Variants in BBS9 observed in about 807,000 individuals in gnomAD.
The protein encoded by BBS9 is protein PTHB1.
In BBS9, 89 loss-of-function variants were observed where a neutral mutation model predicts 117.7. That is an observed-to-expected ratio of 0.76 (90% CI 0.64 to 0.90). The LOEUF is 0.90. Ranked by LOEUF, BBS9 falls within the 40% of genes least tolerant of loss-of-function variation. The pLI is 0.00. For missense variants in BBS9, 982 were observed against 1,042.2 expected (o/e 0.94, Z 0.80); for synonymous variants, 379 against 370.9 (o/e 1.02, Z -0.25).
At chr7:33,216,180 A>G (rs1789024764) in intron 5 of BBS9, among the ~76,000 whole-genome samples, 2 of 152,196 alleles carry the variant, frequency 1.3e-5, no homozygotes, top group Admixed American at 1.3e-4. Flanking sequence ...ATACAATGTC[A>G]TAATGTACAT....
At chr7:33,479,428 CA>C (rs1363652248) in intron 19 of BBS9, among the ~76,000 whole-genome samples, 3 of 152,076 alleles carry the variant, frequency 2.0e-5, no homozygotes, top group Admixed American at 6.6e-5. Context: ...ATGTTGCTGC[CA>C]AGGACATTAT....
chr7:33,565,780 A>AGTAT (rs1554539504), intron 21 of BBS9, among the ~76,000 whole-genome samples: 14 of 52,878 alleles, frequency 2.6e-4, no homozygotes, highest in Non-Finnish European at 3.0e-4. Context: ...GGCTATCAGT[A>AGTAT]GTATATATAT....
At chr7:33,226,254 T>C (rs1197136689) in intron 5 of BBS9, among the ~76,000 whole-genome samples, 1 of 152,180 alleles carries the variant, frequency 6.6e-6, no homozygotes, top group East Asian at 1.9e-4. Flanking sequence ...GAGAATTTTG[T>C]CTATTAACAT....
chr7:33,142,671 CAT>C (rs997909541), intron 1 of BBS9, among the ~76,000 whole-genome samples: 1 of 152,186 alleles, frequency 6.6e-6, no homozygotes, highest in Non-Finnish European at 1.5e-5. Flanking sequence ...TAAGTGGAAT[CAT>C]ATGGTATTTG....
At chr7:33,302,093 T>C (rs1301808872) in intron 9 of BBS9, among the ~76,000 whole-genome samples, 1 of 152,178 alleles carries the variant, frequency 6.6e-6, no homozygotes, top group Non-Finnish European at 1.5e-5. Context: ...GAAATTCCTA[T>C]TCAGATCTTT....
chr7:33,293,362 A>C (rs1804478803), intron 9 of BBS9, among the ~76,000 whole-genome samples: 1 of 151,930 alleles, frequency 6.6e-6, no homozygotes, highest in African/African-American at 2.4e-5. Flanking sequence ...TTTAATGATG[A>C]TATAGACAAG....
intron 9 of BBS9, among the ~76,000 whole-genome samples, chr7:33,286,245 T>C (rs1802861214): frequency 1.3e-5 from 2 of 152,118 alleles, no homozygotes; most frequent in South Asian, 2.1e-4. Flanking sequence ...AAGAAAATAA[T>C]TTATACCGGT....
chr7:33,566,247 T>G (rs1314347269), intron 21 of BBS9, among the ~76,000 whole-genome samples: 1 of 151,852 alleles, frequency 6.6e-6, no homozygotes, highest in Non-Finnish European at 1.5e-5. Flanking sequence ...CAGACAAGAA[T>G]TAATGCTTTT....
intron 11 of BBS9, among the ~76,000 whole-genome samples, chr7:33,342,792 A>G (rs893022797): frequency 1.6e-4 from 25 of 152,070 alleles, no homozygotes; most frequent in Admixed American, 6.5e-4. Context: ...GTGTTTAGTC[A>G]TGGATTGATA....
At chr7:33,601,627 C>G (rs898382391) in intron 21 of BBS9, among the ~76,000 whole-genome samples, 1 of 152,102 alleles carries the variant, frequency 6.6e-6, no homozygotes. Context: ...CTGACAGGCT[C>G]CCAGGTGATT....
intron 2 of BBS9, among the ~76,000 whole-genome samples, chr7:33,149,416 C>A (rs1013003929): frequency 6.6e-6 from 1 of 151,480 alleles, no homozygotes; most frequent in African/African-American, 2.4e-5. Flanking sequence ...TCCTGAAATT[C>A]TTTAGAAGAA....
At chr7:33,426,856 A>T (rs888631442) in intron 19 of BBS9, among the ~76,000 whole-genome samples, 5 of 152,140 alleles carry the variant, frequency 3.3e-5, no homozygotes, top group African/African-American at 1.2e-4. Context: ...GGGACTAGTC[A>T]GTGCCTTTGT....
chr7:33,590,466 T>TGTTTTTGTTTTTTTTTG (rs60557617), intron 21 of BBS9, among the ~76,000 whole-genome samples: 23 of 139,508 alleles, frequency 1.6e-4, no homozygotes, highest in South Asian at 6.8e-4. Context: ...TTTGTTTTTT[T>TGTTTTTGTTTTTTTTTG]TTTTTTTTTT....
chr7:33,435,415 T>C (rs149847211), intron 19 of BBS9, among the ~76,000 whole-genome samples: 9 of 152,262 alleles, frequency 5.9e-5, no homozygotes, highest in African/African-American at 1.9e-4. Flanking sequence ...ACCTCAAAGA[T>C]TGAATTGAAT....
At chr7:33,201,890 A>G (rs1785931929) in intron 5 of BBS9, among the ~76,000 whole-genome samples, 1 of 151,996 alleles carries the variant, frequency 6.6e-6, no homozygotes, top group Admixed American at 6.5e-5. Context: ...AAAGGCTCTT[A>G]TTTTCTGTCC....
intron 21 of BBS9, among the ~76,000 whole-genome samples, chr7:33,588,510 C>T (rs1439498912): frequency 1.3e-5 from 2 of 152,138 alleles, no homozygotes; most frequent in Non-Finnish European, 2.9e-5. Context: ...ACTTAGGATA[C>T]TGTAGCCACC....
At chr7:33,294,313 CT>C (rs1454052175) in intron 9 of BBS9, among the ~76,000 whole-genome samples, 2 of 138,800 alleles carry the variant, frequency 1.4e-5, no homozygotes, top group Non-Finnish European at 3.0e-5. Context: ...ATCTATCTAT[CT>C]ATCTATCTAT....
intron 5 of BBS9, among the ~76,000 whole-genome samples, chr7:33,236,564 A>G (rs1370928007): frequency 6.6e-6 from 1 of 151,938 alleles, no homozygotes; most frequent in Non-Finnish European, 1.5e-5. Context: ...AATCTACCTC[A>G]TCATTTAAAA....
At chr7:33,202,385 T>C (rs546274619) in intron 5 of BBS9, among the ~76,000 whole-genome samples, 2 of 152,336 alleles carry the variant, frequency 1.3e-5, no homozygotes, top group South Asian at 4.1e-4. Context: ...ATTTTCTATC[T>C]CCAGTTAGGA....
Sources: allele counts gnomAD v4.1 joint callset (sites outside exome capture counted in the v4.1 genomes callset), GRCh38; gene constraint gnomAD v4.1.1; transcripts MANE v1.5; gene names NCBI Gene and HGNC (gene_info 2026-07-23, HGNC 2026-07-21).